The following POLQ variants were observed in gnomAD, a reference collection of about 807,000 sequenced individuals.
POLQ encodes epididymis secretory sperm binding protein.
In POLQ, 233 loss-of-function variants were observed where a neutral mutation model predicts 259.2. That is an observed-to-expected ratio of 0.90 (90% CI 0.81 to 1.00). The LOEUF (loss-of-function observed/expected upper bound fraction) is 1.00, where lower values mean the gene tolerates loss of function less well. POLQ is among the 50% of genes least tolerant of loss of function. The pLI is 0.00. For synonymous variants in POLQ, 1,025 were observed against 1,048.8 expected, an observed-to-expected ratio of 0.98 and a Z score of 0.44; for missense variants, 2,871 against 3,051.6, an observed-to-expected ratio of 0.94 and a Z score of 1.39.
At chr3:121,496,087 G>C (rs756255794) in intron 14 of POLQ, among the ~76,000 whole-genome samples, 1 of 151,184 alleles carries the variant, frequency 6.6e-6, no homozygotes, top group African/African-American at 2.4e-5. Flanking sequence ...CAGACCAGTG[G>C]TTCCTTAGAT....
intron 14 of POLQ, among the ~76,000 whole-genome samples, chr3:121,495,733 C>T (rs1427138601): frequency 3.3e-5 from 5 of 151,272 alleles, no homozygotes; most frequent in Middle Eastern, 3.4e-3. Flanking sequence ...CCTGTAGTCC[C>T]AGCTACTCGG....
At chr3:121,440,197 A>C in intron 26 of POLQ, 81 bp from the exon 27 acceptor site, 1 of 1,014,366 alleles carries the variant, frequency 9.9e-7, no homozygotes, top group South Asian at 1.5e-5. Context: ...ATGGCAAAAT[A>C]CACCAAAACC....
intron 24 of POLQ, among the ~76,000 whole-genome samples, chr3:121,461,077 T>C (rs537320795): frequency 1.0e-3 from 154 of 152,292 alleles, no homozygotes; most frequent in Non-Finnish European, 1.8e-3. Context: ...AAAAAATCTA[T>C]GGCAAGAAAC....
intron 10 of POLQ, among the ~76,000 whole-genome samples, chr3:121,510,876 G>A (rs2048249881): frequency 1.3e-5 from 2 of 151,960 alleles, no homozygotes; most frequent in Non-Finnish European, 2.9e-5. Flanking sequence ...ACGAGGTCAG[G>A]AGATCAAGAC....
rs35775179 is a variant in POLQ at position 121,487,680 on chromosome 3, C to T, written c.5251G>A (p.Gly1751Arg). The T allele has an allele frequency of 6.2e-7, 1 of 1,613,840 alleles. No individual in the cohort carries two copies. The highest frequency in any genetic ancestry group is 1.3e-5 in the African/African-American group (1 of 74,996). ...GGGTTTACAGGTGTTTCAAGAATCC[C>T]TGGAAATGTCAGCTTAGAAGCAGAT... ...PTSASKLTFP[G>R]ILETPVNPWK... The change falls in exon 16 of 30, where the codon GGG becomes AGG. Residue 1751 changes from glycine to arginine, a missense_variant. Gly to Arg is a moderately radical substitution (Grantham distance 125). This residue lies in a region of POLQ where 2,080 missense variants were observed against 2,126.0 expected (regional missense o/e 0.98). Transcript: ENST00000264233.
chr3:121,526,130 T>C (rs762808406), intron 7 of POLQ, among the ~76,000 whole-genome samples: 3 of 152,162 alleles, frequency 2.0e-5, no homozygotes, highest in Admixed American at 6.5e-5. Context: ...TGGGGGTAAG[T>C]AGATCACTTT....
At chr3:121,437,691 A>T (rs2047555413) in intron 27 of POLQ, among the ~76,000 whole-genome samples, 1 of 152,208 alleles carries the variant, frequency 6.6e-6, no homozygotes, top group South Asian at 2.1e-4. Flanking sequence ...TCTTTACCAA[A>T]CATAAATGCA....
chr3:121,484,271 G>A (rs949710529), intron 17 of POLQ, among the ~76,000 whole-genome samples: 3 of 152,030 alleles, frequency 2.0e-5, no homozygotes, highest in East Asian at 1.9e-4. Context: ...CAGATCACAG[G>A]GTATTTCCAG....
intron 19 of POLQ, 132 bp downstream of exon 19, chr3:121,481,440 T>C (rs1375728628): frequency 8.8e-6 from 7 of 794,452 alleles, no homozygotes; most frequent in Non-Finnish European, 1.4e-5. Context: ...TCTGGCCTTT[T>C]ACAGAAAAAA....
intron 26 of POLQ, among the ~76,000 whole-genome samples, chr3:121,446,398 T>A (rs978087849): frequency 6.6e-6 from 1 of 152,226 alleles, no homozygotes; most frequent in Non-Finnish European, 1.5e-5. Flanking sequence ...GAAGAATGTG[T>A]ATTGTGTGGC....
chr3:121,471,690 T>C (rs1225164935), intron 22 of POLQ, among the ~76,000 whole-genome samples: 1 of 151,730 alleles, frequency 6.6e-6, no homozygotes, highest in African/African-American at 2.4e-5. Flanking sequence ...TGCAGGGAGG[T>C]GGAGGTTGCA....
At chr3:121,494,111 T>C in intron 14 of POLQ, 1 of 722,320 alleles carries the variant, frequency 1.4e-6, no homozygotes, top group South Asian at 1.5e-5. Context: ...CCACCCAAGA[T>C]GCCGAAAGGA....
At position 121,437,177 on chromosome 3, in the gene POLQ, T is replaced by C. The variant is rs368050846; in HGVS notation, c.7390-902A>G. Among the ~76,000 whole-genome samples the C allele has an allele frequency of 2.1e-4, 32 of 152,210 alleles. No individual in the cohort carries two copies. The East Asian group carries it at 5.2e-3, about 25-fold the overall frequency. ...TAAGACCAGGAGTTTGAAACCAGCCTGGGCAACATAGTGAGACCCTGTCTT... is the reference window on the plus strand; with the variant it reads ...TAAGACCAGGAGTTTGAAACCAGCCCGGGCAACATAGTGAGACCCTGTCTT... On this transcript the variant is annotated intron_variant, in intron 27 of 29. Coordinates refer to ENST00000264233, the MANE Select transcript of POLQ (RefSeq NM_199420.4).
chr3:121,545,866 C>A lies in POLQ; in HGVS notation c.12G>T (p.Leu4=). Residue 4 remains leucine (L), a synonymous_variant, in exon 1 of 30, where the codon CTG becomes CTT. Coordinates refer to ENST00000264233, the MANE Select transcript of POLQ (RefSeq NM_199420.4). ...AACGCCGCCGTTTCCCACTCCGACG[C>A]AGAAGATTCATGGCAAACTCTTCTC... is the stretch of plus-strand genomic sequence containing the variant. The part of the protein sequence containing the change: MNL[L]RRSGKRRRSE... The A allele has an allele frequency of 6.2e-7, 1 of 1,613,920 alleles. No individual in the cohort carries two copies. The highest frequency in any genetic ancestry group is 8.5e-7 in the Non-Finnish European group (1 of 1,179,982).
intron 25 of POLQ, among the ~76,000 whole-genome samples, chr3:121,452,485 T>G (rs2047686952): frequency 7.8e-6 from 1 of 128,376 alleles, no homozygotes; most frequent in East Asian, 2.8e-4. Context: ...TTTTTTGTTG[T>G]TACTCCTGTT....
chr3:121,451,966 C>T (rs1170588667), intron 25 of POLQ, among the ~76,000 whole-genome samples: 1 of 152,232 alleles, frequency 6.6e-6, no homozygotes, highest in Non-Finnish European at 1.5e-5. Flanking sequence ...CTTTGTTTAC[C>T]TACTCAAGCC....
chr3:121,522,773 G>A (rs1043569580), intron 7 of POLQ, among the ~76,000 whole-genome samples: 3 of 152,156 alleles, frequency 2.0e-5, no homozygotes, highest in African/African-American at 7.2e-5. Context: ...GAAGCCCACA[G>A]GAGGGGATCA....
chr3:121,498,446 T>A, intron 13 of POLQ, 31 bp downstream of exon 13: 3 of 1,540,780 alleles, frequency 1.9e-6, no homozygotes, highest in South Asian at 1.1e-5. Flanking sequence ...CTGTGTTAAA[T>A]ACCGGAGAGC....
chr3:121,490,124 G>T lies in POLQ; in HGVS notation c.2807C>A (p.Ser936Ter). ...QTKSSYKKLT[S>*]KNKSNTIFSD... ...AAATATTGTGTTACTTTTGTTCTTTGATGTTAATTTTTTATAAGAACTCTT... is the reference window on the plus strand; with the variant it reads ...AAATATTGTGTTACTTTTGTTCTTTTATGTTAATTTTTTATAAGAACTCTT... Residue 936 changes from serine to a stop codon, truncating the protein, a stop_gained, in exon 16 of 30, where the codon TCA becomes TAA. Transcript: ENST00000264233. LOFTEE classifies it high-confidence loss of function. The T allele has an allele frequency of 6.2e-7, 1 of 1,606,390 alleles. No homozygotes were observed.
Sources: allele counts gnomAD v4.1 joint callset (sites outside exome capture counted in the v4.1 genomes callset), GRCh38; gene constraint gnomAD v4.1.1; regional missense constraint gnomAD v4.1.1; transcripts MANE v1.5; gene names NCBI Gene and HGNC (gene_info 2026-07-23, HGNC 2026-07-21).